The following SMCHD1 variants were observed in gnomAD, a reference collection of about 807,000 sequenced individuals.
The protein encoded by SMCHD1 is structural maintenance of chromosomes flexible hinge domain containing 1.
Under a neutral mutation model 254.7 loss-of-function variants are expected in SMCHD1, and 78 were observed. That is an observed-to-expected ratio of 0.31 (90% confidence interval 0.26 to 0.37). The LOEUF is 0.37. Ranked by LOEUF, SMCHD1 falls within the 10% of genes least tolerant of loss-of-function variation. SMCHD1 has a pLI of 1.00. For synonymous variants in SMCHD1, 766 were observed against 794.9 expected, an observed-to-expected ratio of 0.96 and a Z score of 0.61; for missense variants, 1,840 against 2,408.1, an observed-to-expected ratio of 0.76 and a Z score of 4.94.
intron 28 of SMCHD1, among the ~76,000 whole-genome samples, chr18:2,742,300 G>A (rs956296797): frequency 3.3e-5 from 5 of 151,814 alleles, no homozygotes; most frequent in Non-Finnish European, 7.4e-5. Context: ...GCTCATTTTC[G>A]GAATTGTGTA....
chr18:2,673,266 C>T lies in SMCHD1; in HGVS notation c.425-15C>T. 6.4e-7 allele frequency: 1 copy of T among 1,574,118 alleles called. No individual in the cohort carries two copies. The highest frequency in any genetic ancestry group is 8.6e-7 in the Non-Finnish European group (1 of 1,156,072). ...GGAGGGAAAAGTTAAGCAATGTTTT[C>T]TTGATCTCTTGCAGCATTTGCTCTT... On this transcript the variant is annotated splice_polypyrimidine_tract_variant and intron_variant, in intron 3 of 47. Transcript: ENST00000320876.
chr18:2,674,863 C>T lies in SMCHD1; in HGVS notation c.638+718C>T, dbSNP rs572701258. 7.2e-4 allele frequency among the ~76,000 whole-genome samples: 109 copies of T among 152,242 alleles called. 1 individual carries two copies. The highest frequency in any genetic ancestry group is 2.4e-3 in the African/African-American group (100 of 41,508). ...TTACCTTGTCAAGAAAAGTCACCCA[C>T]GTTTAAGGATCAATCTCAGTGTGTT... On this transcript the variant is annotated intron_variant, in intron 5 of 47. Coordinates refer to ENST00000320876, the MANE Select transcript of SMCHD1 (RefSeq NM_015295.3).
intron 5 of SMCHD1, among the ~76,000 whole-genome samples, chr18:2,681,039 GAA>G (rs1404052343): frequency 2.0e-5 from 3 of 152,156 alleles, no homozygotes; most frequent in African/African-American, 7.2e-5. Flanking sequence ...GCTGAGGCAG[GAA>G]GATTGCTTGA....
intron 47 of SMCHD1, 27 bp from the exon 48 acceptor site, chr18:2,802,501 A>AC (rs768447714): frequency 1.3e-6 from 2 of 1,542,644 alleles, no homozygotes; most frequent in Non-Finnish European, 1.8e-6. Context: ...GGTACATAAA[A>AC]CTTTTTTTTC....
intron 36 of SMCHD1, among the ~76,000 whole-genome samples, chr18:2,763,435 C>T (rs2075819292): frequency 6.6e-6 from 1 of 152,066 alleles, no homozygotes; most frequent in African/African-American, 2.4e-5. Context: ...GTATTGAAGT[C>T]TCTTGTTCTT....
rs75762960 is a variant in SMCHD1 at position 2,712,875 on chromosome 18, A to G, written c.2260+4955A>G. On this transcript the variant is annotated intron_variant, in intron 17 of 47. Coordinates refer to ENST00000320876, the MANE Select transcript of SMCHD1 (RefSeq NM_015295.3). The stretch of plus-strand genomic sequence containing the variant: ...CTAGGAAACTAGTCATAGCTCTGCA[A>G]TACTCCACGCATGATCTGGCCCTTC... Among the ~76,000 whole-genome samples the G allele has an allele frequency of 4.3e-3, 658 of 152,300 alleles. 4 individuals are homozygous for G. The highest frequency in any genetic ancestry group is 0.014 in the African/African-American group (601 of 41,556).
chr18:2,719,194 C>T (rs529234384), intron 19 of SMCHD1, among the ~76,000 whole-genome samples: 1 of 151,594 alleles, frequency 6.6e-6, no homozygotes, highest in South Asian at 2.1e-4. Context: ...TTTCTATTTT[C>T]TTTTTCTCTC....
In SMCHD1 at chr18:2,802,727, T is replaced by G; in HGVS notation, c.*175T>G. 1 of 497,904 alleles carries G rather than the reference T, an allele frequency of 2.0e-6. No homozygotes were observed. The allele number at this position is 497,904 out of a possible 1,614,324, so 30.8% of individuals were successfully genotyped here. A position where few individuals can be genotyped will look rare whatever the true frequency, so the allele number is the denominator to read the frequency against. Reference sequence around the variant, plus strand: ...ATGGGACTGGAAACAACCATTCAATTTTATGAATCTTACTGGACATTATGG... The same window carrying G: ...ATGGGACTGGAAACAACCATTCAATGTTATGAATCTTACTGGACATTATGG... On this transcript the variant is annotated 3_prime_UTR_variant, in exon 48 of 48. Transcript: ENST00000320876.
chr18:2,675,984 C>T (rs77153669), intron 5 of SMCHD1, among the ~76,000 whole-genome samples: 2,425 of 152,270 alleles, frequency 0.016, 67 homozygotes, highest in East Asian at 0.1. Context: ...CTGTTAGGTA[C>T]TCGTACTGTC....
intron 17 of SMCHD1, among the ~76,000 whole-genome samples, chr18:2,712,065 C>T (rs944523478): frequency 6.6e-6 from 1 of 152,176 alleles, no homozygotes; most frequent in African/African-American, 2.4e-5. Flanking sequence ...ACCAAATAAA[C>T]ATCCTTTTCT....
intron 37 of SMCHD1, among the ~76,000 whole-genome samples, chr18:2,765,887 C>A (rs1440583901): frequency 6.6e-6 from 1 of 152,070 alleles, no homozygotes; most frequent in Non-Finnish European, 1.5e-5. Context: ...AGTGGGGAGA[C>A]ATACTTAACA....
intron 45 of SMCHD1, among the ~76,000 whole-genome samples, chr18:2,785,783 A>T (rs2076230548): frequency 6.6e-6 from 1 of 151,532 alleles, no homozygotes; most frequent in Non-Finnish European, 1.5e-5. Context: ...ATTCCCTGAC[A>T]CCCATTATAC....
At chr18:2,716,759 C>T (rs559705757) in intron 17 of SMCHD1, among the ~76,000 whole-genome samples, 5 of 152,334 alleles carry the variant, frequency 3.3e-5, no homozygotes, top group African/African-American at 1.2e-4. Flanking sequence ...ACCCGGTTCT[C>T]TACAGTTTTG....
chr18:2,793,434 CG>C (rs1039699676), intron 45 of SMCHD1, among the ~76,000 whole-genome samples: 8 of 151,884 alleles, frequency 5.3e-5, no homozygotes, highest in African/African-American at 1.9e-4. Context: ...GAGGCTGAGG[CG>C]GGTGGATCAC....
intron 5 of SMCHD1, among the ~76,000 whole-genome samples, chr18:2,681,652 G>A (rs181035071): frequency 2.0e-5 from 3 of 151,518 alleles, no homozygotes; most frequent in African/African-American, 7.3e-5. Flanking sequence ...CATAACTTGG[G>A]CACTATAAGA....
At chr18:2,684,700 A>AGTGTGT (rs71365193) in intron 5 of SMCHD1, among the ~76,000 whole-genome samples, 3,676 of 115,494 alleles carry the variant, frequency 0.032, 113 homozygotes, top group South Asian at 0.053. Context: ...TTGCAGATTC[A>AGTGTGT]GTGTGTGTGT....
intron 8 of SMCHD1, among the ~76,000 whole-genome samples, chr18:2,696,806 A>G (rs1399983429): frequency 6.6e-6 from 1 of 152,202 alleles, no homozygotes; most frequent in Non-Finnish European, 1.5e-5. Context: ...CTGTGATGTC[A>G]GATAACTTAC....
intron 20 of SMCHD1, among the ~76,000 whole-genome samples, chr18:2,723,939 T>C (rs1162301302): frequency 1.3e-5 from 2 of 152,116 alleles, no homozygotes; most frequent in African/African-American, 2.4e-5. Flanking sequence ...GAGACTGCTA[T>C]CATTTGCCAC....
chr18:2,657,062 T>C (rs112369392), intron 1 of SMCHD1, among the ~76,000 whole-genome samples: 41 of 152,330 alleles, frequency 2.7e-4, no homozygotes, highest in South Asian at 1.2e-3. Context: ...GAAGGAATAT[T>C]GTCATGCTCT....
Sources: allele counts gnomAD v4.1 joint callset (sites outside exome capture counted in the v4.1 genomes callset), GRCh38; gene constraint gnomAD v4.1.1; transcripts MANE v1.5; gene names NCBI Gene and HGNC (gene_info 2026-07-23, HGNC 2026-07-21).